The following NLRP2 variants were observed in gnomAD, a reference collection of about 807,000 sequenced individuals.
NLRP2 encodes the protein NLR family pyrin domain containing 2.
Under a neutral mutation model 97.2 loss-of-function variants are expected in NLRP2, and 107 were observed. That is an observed-to-expected ratio of 1.10 (90% CI 0.94 to 1.29). NLRP2 has a LOEUF of 1.29. Ranked by LOEUF, NLRP2 falls within the 50% of genes most tolerant of loss-of-function variation. The pLI is 0.00. For missense variants in NLRP2, 1,495 were observed against 1,330.3 expected (o/e 1.12, Z -1.93); for synonymous variants, 663 against 551.5 (o/e 1.20, Z -2.83).
In NLRP2 at chr19:55,000,862, G is replaced by A. The variant is rs778124002; in HGVS notation, c.3153G>A (p.Trp1051Ter). 1.2e-6 allele frequency: 2 copies of A among 1,613,120 alleles called. No homozygotes were observed. Among genetic ancestry groups the A allele is most frequent in the Non-Finnish European group, 1.7e-6 (2 of 1,179,218 alleles). ...TTGATACTGAGAAACATCATCCCTG[G>A]GCAGAAAGGCCTTCTTCTCATGACT... ...LIIDTEKHHPWAERPSSHDFM... is the reference protein window; with the variant it reads ...LIIDTEKHHP Residue 1051 changes from tryptophan (W) to a stop codon, truncating the protein, a stop_gained, in exon 13 of 13, where the codon TGG becomes TGA. Coordinates refer to ENST00000448584, the MANE Select transcript of NLRP2 (RefSeq NM_017852.5). LOFTEE classifies it low-confidence loss of function (END_TRUNC).
chr19:54,976,297 C>T (rs368238597), intron 3 of NLRP2, among the ~76,000 whole-genome samples: 3 of 149,046 alleles, frequency 2.0e-5, no homozygotes, highest in African/African-American at 7.4e-5. Context: ...TCGTGATCCA[C>T]GTGCCTCAGC....
In NLRP2 at chr19:54,990,057, C is replaced by A. The variant is rs753307532; in HGVS notation, c.2402C>A (p.Ala801Asp). 1 of 1,614,024 alleles carries A rather than the reference C, an allele frequency of 6.2e-7. No homozygotes were observed. Among genetic ancestry groups the A allele is most frequent in the Non-Finnish European group, 8.5e-7 (1 of 1,180,026 alleles). The stretch of plus-strand genomic sequence containing the variant: ...TGTTCCGCTACCACTCAGCAGTGGG[C>A]TGATCTCTCCTTGGCCCTTGAAGTC... ...VSCSATTQQW[A>D]DLSLALEVNQ... Residue 801 changes from alanine (A) to aspartate (D), a missense_variant, in exon 9 of 13, where the codon GCT becomes GAT. Ala to Asp is a moderately radical substitution (Grantham distance 126). Transcript: ENST00000448584.
At chr19:54,995,587 G>GA (rs2072762904) in intron 11 of NLRP2, among the ~76,000 whole-genome samples, 1 of 151,454 alleles carries the variant, frequency 6.6e-6, no homozygotes, top group Admixed American at 6.6e-5. Flanking sequence ...TCCATCTCAG[G>GA]AAAAAATAAA....
intron 12 of NLRP2, among the ~76,000 whole-genome samples, chr19:55,000,365 C>T (rs1439209186): frequency 1.4e-5 from 2 of 143,022 alleles, no homozygotes; most frequent in African/African-American, 2.6e-5. Flanking sequence ...CAAGCTCCGC[C>T]TCCCGGGTTC....
At chr19:54,979,290 T>A (rs1199554782) in intron 4 of NLRP2, among the ~76,000 whole-genome samples, 1 of 151,824 alleles carries the variant, frequency 6.6e-6, no homozygotes, top group Non-Finnish European at 1.5e-5. Context: ...TAGCCTGTGA[T>A]CAGTTTCAGA....
chr19:54,988,571 T>C (rs900620919), intron 8 of NLRP2, among the ~76,000 whole-genome samples: 3 of 152,050 alleles, frequency 2.0e-5, no homozygotes, highest in African/African-American at 7.2e-5. Context: ...TTTGGTATAT[T>C]TAGTAGAGCC....
Position 54,983,859 on chromosome 19 carries a change from T to C in NLRP2, c.2030+131T>C, listed in dbSNP as rs530748633. ...TCCCTCTTGTTGGACTCTTTGTTTG[T>C]TTTTGTTTTGAGATGGAGTCTTGCT... On this transcript the variant is annotated intron_variant, in intron 6 of 12. Coordinates refer to ENST00000448584, the MANE Select transcript of NLRP2 (RefSeq NM_017852.5). 1.4e-5 allele frequency: 19 copies of C among 1,361,880 alleles called. No individual in the cohort carries two copies. In the African/African-American group the frequency reaches 2.6e-4, roughly 18 times the overall value. 84.4% of individuals were successfully genotyped at this position (1,361,880 alleles called of 1,614,324 possible).
intron 12 of NLRP2, among the ~76,000 whole-genome samples, chr19:54,997,827 T>TGGCTCGCTGCA (rs2072920854): frequency 6.8e-6 from 1 of 147,848 alleles, no homozygotes; most frequent in South Asian, 2.2e-4. Context: ...AGCACAATGA[T>TGGCTCGCTGCA]GGCTCGCTGC....
chr19:54,990,415 G>T, intron 9 of NLRP2, 87 bp from the exon 10 acceptor site: 1 of 1,392,182 alleles, frequency 7.2e-7, no homozygotes, highest in Non-Finnish European at 1.0e-6. Context: ...ACAAGAAGGG[G>T]CTTTTGGATG....
intron 3 of NLRP2, among the ~76,000 whole-genome samples, chr19:54,975,329 C>T (rs1326682366): frequency 3.5e-5 from 5 of 141,682 alleles, no homozygotes; most frequent in East Asian, 2.3e-4. Flanking sequence ...GCTATGTTGC[C>T]CAGGCTGGCC....
intron 6 of NLRP2, among the ~76,000 whole-genome samples, chr19:54,984,329 G>GTGTGTTTTTTTTTTTTTTTT: frequency 0.01 from 809 of 79,612 alleles, 78 homozygotes; most frequent in Non-Finnish European, 0.016. Flanking sequence ...TTTTTTTTGT[G>GTGTGTTTTTTTTTTTTTTTT]TTTTTTTTTT....
intron 8 of NLRP2, 46 bp from the exon 9 acceptor site, chr19:54,989,976 G>A (rs766610997): frequency 1.3e-6 from 2 of 1,557,938 alleles, no homozygotes; most frequent in South Asian, 1.1e-5. Context: ...GTGAGACTCA[G>A]TCTCAAAAAA....
intron 1 of NLRP2, among the ~76,000 whole-genome samples, chr19:54,967,317 T>C (rs1310515281): frequency 1.3e-5 from 2 of 151,996 alleles, no homozygotes; most frequent in South Asian, 4.1e-4. Flanking sequence ...ACCCCATCTC[T>C]ACTAAAAATA....
rs1195329204 is a variant in NLRP2, at chr19:55,000,606, AAAAATC to A, written c.3051-151_3051-146del. Among the ~76,000 whole-genome samples, 39 of 151,876 alleles carry A rather than the reference AAAAATC, an allele frequency of 2.6e-4. 1 individual carries two copies. Among genetic ancestry groups the A allele is most frequent in the Admixed American group, 6.6e-4 (10 of 15,224 alleles). On this transcript the variant is annotated intron_variant, in intron 12 of 12. Coordinates refer to ENST00000448584, the MANE Select transcript of NLRP2 (RefSeq NM_017852.5). ...AGACTGTCTTTTAAAAAAAAAAAAA[AAAAATC>A]AATGTGGAACACTCCTTTGCCACCT... is the stretch of plus-strand genomic sequence containing the variant.
At chr19:54,995,700 A>G (rs200829606) in intron 11 of NLRP2, among the ~76,000 whole-genome samples, 5 of 152,112 alleles carry the variant, frequency 3.3e-5, no homozygotes, top group African/African-American at 9.7e-5. Context: ...GTTAGCTACA[A>G]TCAGATGCAC....
intron 12 of NLRP2, among the ~76,000 whole-genome samples, chr19:55,000,124 C>G (rs916360689): frequency 5.3e-5 from 8 of 151,224 alleles, no homozygotes; most frequent in Admixed American, 1.3e-4. Context: ...ACTAAAAATA[C>G]AAAAATTAGC....
intron 3 of NLRP2, among the ~76,000 whole-genome samples, chr19:54,975,101 G>GTTTTTTTTTTTTTTTTT (rs1190231820): frequency 6.0e-5 from 5 of 83,084 alleles, no homozygotes; most frequent in Admixed American, 1.6e-4. Context: ...ACCACACCCG[G>GTTTTTTTTTTTTTTTTT]TTTTGTTTTT....
chr19:54,977,721 A>G (rs756710911), intron 3 of NLRP2, 31 bp from the exon 4 acceptor site: 1 of 1,610,128 alleles, frequency 6.2e-7, no homozygotes, highest in Non-Finnish European at 8.5e-7. Context: ...CAGCACAGCA[A>G]CAGGCCTGTA....
At chr19:54,978,845 TAAA>T (rs78482875) in intron 4 of NLRP2, among the ~76,000 whole-genome samples, 14 of 136,272 alleles carry the variant, frequency 1.0e-4, no homozygotes, top group African/African-American at 1.9e-4. Context: ...GACTCCATCT[TAAA>T]AAAAAAAAAA....
Sources: gnomAD v4.1 joint callset for allele counts (sites outside exome capture counted in the v4.1 genomes callset) on GRCh38, gnomAD v4.1.1 for gene constraint, MANE v1.5 for transcripts, NCBI Gene and HGNC (gene_info 2026-07-23, HGNC 2026-07-21) for gene names.